The following NBR1 variants were observed in gnomAD, a reference collection of about 807,000 sequenced individuals.
NBR1 encodes next to BRCA1 gene 1 protein.
NBR1 carries 59 observed loss-of-function variants against 115.5 expected under a neutral mutation model. The ratio of observed to expected loss-of-function variants is 0.51; its 90% CI spans 0.41 to 0.63. The LOEUF (loss-of-function observed/expected upper bound fraction) is 0.63. Among genes scored for constraint, NBR1 ranks in the 30% least tolerant of loss-of-function variants. The pLI is 0.00. For missense variants in NBR1, 1,043 were observed against 1,150.5 expected, an observed-to-expected ratio of 0.91 and a Z score of 1.35; for synonymous variants, 373 against 414.7, an observed-to-expected ratio of 0.90 and a Z score of 1.22.
intron 1 of NBR1, among the ~76,000 whole-genome samples, chr17:43,175,405 T>C (rs1237252364): frequency 1.3e-5 from 2 of 152,208 alleles, no homozygotes; most frequent in East Asian, 3.8e-4. Context: ...AGTTAACCAG[T>C]CATCATAAAG....
chr17:43,193,394 A>G lies in NBR1; in HGVS notation c.1280A>G (p.Lys427Arg). 6.2e-7 allele frequency: 1 copy of G among 1,614,002 alleles called. No homozygotes were observed. Among genetic ancestry groups the G allele is most frequent in the Non-Finnish European group, 8.5e-7 (1 of 1,179,890 alleles). Residue 427 changes from lysine (K) to arginine (R), a missense_variant, in exon 12 of 21, where the codon AAG becomes AGG. Coordinates refer to ENST00000590996, the MANE Select transcript of NBR1 (RefSeq NM_005899.5). Reference protein sequence around the residue: ...GNLTLASTEKKDVLVPCLKAG... With the variant: ...GNLTLASTEKRDVLVPCLKAG... ...CTGACTTTGGCTTCCACAGAAAAGAAGGATGTTTTGGTTCCCTGCCTCAAG... is the reference window on the plus strand; with the variant it reads ...CTGACTTTGGCTTCCACAGAAAAGAGGGATGTTTTGGTTCCCTGCCTCAAG...
intron 5 of NBR1, 120 bp from the exon 6 acceptor site, chr17:43,186,128 AAC>A (rs1359839141): frequency 1.5e-5 from 12 of 791,528 alleles, no homozygotes; most frequent in Non-Finnish European, 2.1e-5. Context: ...TAATAAAGCA[AAC>A]ACAAATCCTA....
chr17:43,200,009 T>G (rs1451843506), intron 16 of NBR1, among the ~76,000 whole-genome samples, 158 bp from the exon 17 acceptor site: 2 of 152,218 alleles, frequency 1.3e-5, no homozygotes, highest in African/African-American at 4.8e-5. Context: ...AAACTTAGAA[T>G]ATGGTCATAG....
intron 16 of NBR1, among the ~76,000 whole-genome samples, chr17:43,198,167 C>CA (rs1034162744): frequency 1.6e-3 from 164 of 101,700 alleles, no homozygotes; most frequent in South Asian, 2.5e-3. Flanking sequence ...AACTCCGTCT[C>CA]AAAAAAAAAA....
chr17:43,174,154 T>C (rs979663455), intron 1 of NBR1, among the ~76,000 whole-genome samples: 1 of 152,102 alleles, frequency 6.6e-6, no homozygotes, highest in African/African-American at 2.4e-5. Flanking sequence ...GTCAAAATAA[T>C]CTAGTAGGGA....
Position 43,211,364 on chromosome 17 carries a change from T to C in NBR1, c.*1290T>C, listed in dbSNP as rs1442486757. The C allele has an allele frequency of 6.6e-6, 1 of 152,604 alleles. No individual in the cohort carries two copies. Among genetic ancestry groups the C allele is most frequent in the East Asian group, 1.9e-4 (1 of 5,206 alleles). The allele number at this position is 152,604 out of a possible 1,614,324, so 9.5% of individuals were successfully genotyped here. ...TAGTTAATAGTATTATCTAACCTGG[T>C]TGGTATTTGTAATGAATGGTGATTT... On this transcript the variant is annotated 3_prime_UTR_variant, in exon 21 of 21. Transcript: ENST00000590996.
intron 16 of NBR1, among the ~76,000 whole-genome samples, chr17:43,198,238 A>G (rs1384691372): frequency 6.6e-6 from 1 of 152,182 alleles, no homozygotes; most frequent in East Asian, 1.9e-4. Context: ...AACCAATAGC[A>G]TATATTTTAA....
At chr17:43,190,414 T>G (rs890431098) in intron 8 of NBR1, 195 bp from the exon 9 acceptor site, 1 of 589,638 alleles carries the variant, frequency 1.7e-6, no homozygotes, top group African/African-American at 1.9e-5. Context: ...AGATTTTCAT[T>G]TAAAATGGAT....
At chr17:43,190,915 C>A in intron 9 of NBR1, 139 bp downstream of exon 9, 4 of 855,034 alleles carry the variant, frequency 4.7e-6, no homozygotes, top group South Asian at 2.2e-5. Flanking sequence ...GACAGTTATC[C>A]AAAGTTAGTG....
chr17:43,190,914 C>A, intron 9 of NBR1, 138 bp downstream of exon 9: 1 of 861,948 alleles, frequency 1.2e-6, no homozygotes, highest in Non-Finnish European at 1.7e-6. Context: ...AGACAGTTAT[C>A]CAAAGTTAGT....
At chr17:43,182,379 A>G in intron 5 of NBR1, among the ~76,000 whole-genome samples, 1 of 151,254 alleles carries the variant, frequency 6.6e-6, no homozygotes, top group East Asian at 1.9e-4. Context: ...CACCACACCC[A>G]GCTAATTTAT....
chr17:43,177,570 AAAAC>A (rs1385861191), intron 2 of NBR1, among the ~76,000 whole-genome samples: 26 of 72,300 alleles, frequency 3.6e-4, no homozygotes, highest in Admixed American at 1.6e-3. Context: ...CACCCCACCC[AAAAC>A]ACACACACAC....
chr17:43,192,365 G>A (rs1477039740), intron 10 of NBR1, among the ~76,000 whole-genome samples: 2 of 150,608 alleles, frequency 1.3e-5, no homozygotes, highest in African/African-American at 2.4e-5. Flanking sequence ...GTAGTTTTTT[G>A]TTTGTTTTGT....
Position 43,210,917 on chromosome 17 carries a change from C to T in NBR1, c.*843C>T. On this transcript the variant is annotated 3_prime_UTR_variant, in exon 21 of 21. Coordinates refer to ENST00000590996, the MANE Select transcript of NBR1 (RefSeq NM_005899.5). ...CTTTTTTCTTAATGTCAGGGCAGAT[C>T]TTATTTTACAGTACAGTGGGGGAAA... 2.6e-6 allele frequency: 1 copy of T among 391,464 alleles called. No homozygotes were observed. The highest frequency in any genetic ancestry group is 4.5e-6 in the Non-Finnish European group (1 of 222,482). 24.2% of individuals were successfully genotyped at this position (391,464 alleles called of 1,614,324 possible). A position where few individuals can be genotyped will look rare whatever the true frequency, so the allele number is the denominator to read the frequency against.
intron 20 of NBR1, among the ~76,000 whole-genome samples, chr17:43,204,979 AAAC>A (rs1048949595): frequency 1.2e-4 from 19 of 152,180 alleles, no homozygotes; most frequent in Non-Finnish European, 2.5e-4. Flanking sequence ...CTGTCTCAAA[AAAC>A]AACAACAAAA....
intron 12 of NBR1, 41 bp downstream of exon 12, chr17:43,193,679 T>A: frequency 6.4e-7 from 1 of 1,555,822 alleles, no homozygotes; most frequent in Non-Finnish European, 8.7e-7. Context: ...TATCCAAATC[T>A]TAGTTAGAGA....
chr17:43,209,665 G>T (rs2057380701), intron 20 of NBR1: 10 of 1,535,284 alleles, frequency 6.5e-6, no homozygotes, highest in Non-Finnish European at 8.7e-6. Flanking sequence ...TAGCTCCCCG[G>T]TTTCCCTTTT....
chr17:43,198,758 A>C (rs146370863), intron 16 of NBR1, among the ~76,000 whole-genome samples: 6,850 of 152,126 alleles, frequency 0.045, 535 homozygotes, highest in African/African-American at 0.16. Flanking sequence ...TCAGGAGATG[A>C]AGACTATCCT....
intron 13 of NBR1, 123 bp from the exon 14 acceptor site, chr17:43,194,841 C>G: frequency 1.4e-6 from 1 of 724,300 alleles, no homozygotes; most frequent in South Asian, 1.8e-5. Flanking sequence ...TTTCACTTGT[C>G]TGGGGACAGG....
Sources: allele counts gnomAD v4.1 joint callset (sites outside exome capture counted in the v4.1 genomes callset), GRCh38; gene constraint gnomAD v4.1.1; transcripts MANE v1.5; gene names NCBI Gene and HGNC (gene_info 2026-07-23, HGNC 2026-07-21).